The following SFXN5 variants were observed in gnomAD, a reference collection of about 807,000 sequenced individuals.
SFXN5 encodes the protein sideroflexin-5.
Under a neutral mutation model 50.2 loss-of-function variants are expected in SFXN5, and 43 were observed. The ratio of observed to expected loss-of-function variants is 0.86; its 90% CI spans 0.67 to 1.11. The LOEUF is 1.11. Among genes scored for constraint, SFXN5 ranks in the 50% least tolerant of loss-of-function variants. The probability of loss-of-function intolerance (pLI) is 0.00; values close to 1 mark genes in which losing one functional copy is unlikely to be tolerated. For synonymous variants in SFXN5, 203 were observed against 185.8 expected, an observed-to-expected ratio of 1.09 and a Z score of -0.75; for missense variants, 463 against 454.1, an observed-to-expected ratio of 1.02 and a Z score of -0.18.
At chr2:72,971,331 A>AG (rs1381943685) in intron 11 of SFXN5, among the ~76,000 whole-genome samples, 1 of 147,692 alleles carries the variant, frequency 6.8e-6, no homozygotes, top group Non-Finnish European at 1.5e-5. Context: ...CTGGGTCCTG[A>AG]GGGGCTGCGA....
At chr2:73,000,525 G>A in intron 7 of SFXN5, 38 bp from the exon 8 acceptor site, 4 of 1,547,208 alleles carry the variant, frequency 2.6e-6, no homozygotes, top group South Asian at 1.2e-5. Flanking sequence ...GGAAGGAGTG[G>A]TCACCTCCCT....
rs767541561 is a variant in SFXN5, at chr2:73,071,673, C to G, written c.33G>C (p.Ala11=). The G allele has an allele frequency of 5.7e-5, 92 of 1,612,220 alleles. No homozygotes were observed. In the Admixed American group the frequency reaches 1.5e-3, roughly 27 times the overall value. The change falls in exon 1 of 14, where the codon GCG becomes GCC. Residue 11 remains alanine (A), a synonymous_variant. Coordinates refer to ENST00000272433, the MANE Select transcript of SFXN5 (RefSeq NM_144579.3). ...TCGAGGCGCTAGCGGCACTAGCCGC[C>G]GCCGCCGATGCTGTAGTCGCTGTAT... MADTATTASA[A]AASAASASSD...
chr2:73,071,690 T>A lies in SFXN5; in HGVS notation c.16A>T (p.Thr6Ser). 1 of 1,613,064 alleles carries A rather than the reference T, an allele frequency of 6.2e-7. No homozygotes were observed. Among genetic ancestry groups the A allele is most frequent in the Non-Finnish European group, 8.5e-7 (1 of 1,179,844 alleles). The change falls in exon 1 of 14, where the codon ACT becomes TCT. Residue 6 changes from threonine (T) to serine (S), a missense_variant. Physicochemically the swap from Thr to Ser is moderately conservative, Grantham distance 58 (BLOSUM62 1). Coordinates refer to ENST00000272433, the MANE Select transcript of SFXN5 (RefSeq NM_144579.3). Reference sequence around the variant, plus strand: ...CTAGCCGCCGCCGCCGATGCTGTAGTCGCTGTATCCGCCATGGCCACTGAC... The same window carrying A: ...CTAGCCGCCGCCGCCGATGCTGTAGACGCTGTATCCGCCATGGCCACTGAC... MADTATTASAAAASAA... is the reference protein window; with the variant it reads MADTASTASAAAASAA...
At chr2:73,059,701 T>C (rs1302499188) in intron 1 of SFXN5, 1 of 980,482 alleles carries the variant, frequency 1.0e-6, no homozygotes, top group Admixed American at 6.2e-5. Context: ...AGATCAAGCT[T>C]TGGTCCATTC....
intron 9 of SFXN5, chr2:72,996,940 AAGG>A (rs1673324419): frequency 6.6e-6 from 1 of 152,214 alleles, no homozygotes; most frequent in Admixed American, 6.5e-5. Context: ...CACAAGGAAC[AAGG>A]AGGAGGTGAC....
chr2:73,037,201 T>C (rs1679098229), intron 3 of SFXN5, among the ~76,000 whole-genome samples: 1 of 152,192 alleles, frequency 6.6e-6, no homozygotes. Flanking sequence ...TCAGCCCTCA[T>C]ATCTCAGGGG....
rs777004818 is a variant in SFXN5, at chr2:72,971,561, C to T, written c.741+9G>A. 1 of 1,611,774 alleles carries T rather than the reference C, an allele frequency of 6.2e-7. No individual in the cohort carries two copies. The highest frequency in any genetic ancestry group is 8.5e-7 in the Non-Finnish European group (1 of 1,178,166). ...TGGCCTCCCCAACCCTGCGAACCCC[C>T]AGACCCACGTGTCGGGCTGCGATCT... On this transcript the variant is annotated intron_variant, in intron 11 of 13. Transcript: ENST00000272433.
intron 12 of SFXN5, among the ~76,000 whole-genome samples, chr2:72,967,519 G>A (rs1027940100): frequency 1.3e-5 from 2 of 152,158 alleles, no homozygotes; most frequent in South Asian, 2.1e-4. Flanking sequence ...GGATACACAA[G>A]TGCTTAATAA....
At chr2:73,003,182 T>C (rs890252496) in intron 6 of SFXN5, among the ~76,000 whole-genome samples, 2 of 152,156 alleles carry the variant, frequency 1.3e-5, no homozygotes, top group Admixed American at 6.5e-5. Context: ...TGTGCTCCTA[T>C]GTGTACACGT....
At chr2:72,998,672 C>T in intron 9 of SFXN5, 1 of 459,804 alleles carries the variant, frequency 2.2e-6, no homozygotes, top group Non-Finnish European at 3.9e-6. Context: ...GAGTGCTGGG[C>T]AACCGCAGCC....
rs1348753631 is a variant in SFXN5 at position 72,945,965 on chromosome 2, T to C, written c.946-866A>G. ...ATCCTGGGCAGGTGACACTTCCTCT[T>C]ATTTAGGGAAAAAGCTGAAGGTGTC... On this transcript the variant is annotated intron_variant, in intron 13 of 13. Transcript: ENST00000272433. The surrounding 1 kb of genome is among the most constrained non-coding windows in gnomAD (Gnocchi z 5.8). Among the ~76,000 whole-genome samples, 1 of 151,962 alleles carries C rather than the reference T, an allele frequency of 6.6e-6. No individual in the cohort carries two copies. The highest frequency in any genetic ancestry group is 2.4e-5 in the African/African-American group (1 of 41,340).
intron 10 of SFXN5, among the ~76,000 whole-genome samples, chr2:72,987,533 G>A (rs1025176600): frequency 6.6e-6 from 1 of 151,946 alleles, no homozygotes; most frequent in African/African-American, 2.4e-5. Context: ...TGAGGCAGGT[G>A]GATCATGAGG....
chr2:72,957,050 G>T (rs898825880), intron 13 of SFXN5: 1 of 456,624 alleles, frequency 2.2e-6, no homozygotes, highest in Admixed American at 2.3e-5. Flanking sequence ...CTCCATCTGG[G>T]TTCTCCCTGT....
At chr2:72,978,347 A>G (rs1451691852) in intron 10 of SFXN5, among the ~76,000 whole-genome samples, 1 of 151,192 alleles carries the variant, frequency 6.6e-6, no homozygotes, top group East Asian at 1.9e-4. Context: ...CAGTGGCACA[A>G]TCTCGGCTCA....
At chr2:72,974,423 C>T (rs931359059) in intron 10 of SFXN5, among the ~76,000 whole-genome samples, 3 of 152,128 alleles carry the variant, frequency 2.0e-5, no homozygotes, top group Admixed American at 6.5e-5. Context: ...AGTGAAAACC[C>T]AGCCTCCTTC....
intron 3 of SFXN5, among the ~76,000 whole-genome samples, chr2:73,030,460 C>T (rs1678163313): frequency 6.6e-6 from 1 of 152,156 alleles, no homozygotes; most frequent in Non-Finnish European, 1.5e-5. Context: ...AATCCTCCTA[C>T]CCAAAGGGCT....
At position 72,961,101 on chromosome 2, in the gene SFXN5, T is replaced by G. The variant is rs768669370; in HGVS notation, c.945+30A>C. The G allele has an allele frequency of 6.9e-7, 1 of 1,442,028 alleles. No individual in the cohort carries two copies. The highest frequency in any genetic ancestry group is 2.4e-5 in the Admixed American group (1 of 42,420). The allele number at this position is 1,442,028 out of a possible 1,614,324, so 89.3% of individuals were successfully genotyped here. ...AATCACCAAACAGCACCCCCTGCCC[T>G]GCCCTGCCCTTGAGCCCCTCCCCAC... On this transcript the variant is annotated intron_variant, in intron 13 of 13. Transcript: ENST00000272433. The surrounding 1 kb of genome is among the most constrained non-coding windows in gnomAD (Gnocchi z 4.4).
chr2:73,026,289 G>A (rs191731667), intron 3 of SFXN5, among the ~76,000 whole-genome samples: 2 of 151,216 alleles, frequency 1.3e-5, no homozygotes, highest in East Asian at 1.9e-4. Flanking sequence ...CACCATGCCT[G>A]GCTAATTTTT....
At chr2:73,029,533 G>A (rs561734072) in intron 3 of SFXN5, among the ~76,000 whole-genome samples, 1 of 152,222 alleles carries the variant, frequency 6.6e-6, no homozygotes, top group Non-Finnish European at 1.5e-5. Flanking sequence ...GACTAGGTAA[G>A]GCATCTCAGA....
Sources: allele counts gnomAD v4.1 joint callset (sites outside exome capture counted in the v4.1 genomes callset), GRCh38; gene constraint gnomAD v4.1.1; non-coding constraint Gnocchi (gnomAD v3.1); transcripts MANE v1.5; gene names NCBI Gene and HGNC (gene_info 2026-07-23, HGNC 2026-07-21).